AP2B1: variants seen among roughly 807,000 people sequenced by gnomAD.
AP2B1 encodes the protein adaptor related protein complex 2 subunit beta 1.
Under a neutral mutation model 102.0 loss-of-function variants are expected in AP2B1, and 23 were observed. That is an observed-to-expected ratio of 0.23 (90% CI 0.16 to 0.32). The LOEUF (loss-of-function observed/expected upper bound fraction) is 0.32. AP2B1 is among the 10% of genes least tolerant of loss of function. The pLI, the probability that AP2B1 is intolerant of heterozygous loss-of-function variation, is 1.00. For synonymous variants in AP2B1, 381 were observed against 421.2 expected (o/e 0.90, Z 1.17); for missense variants, 541 against 1,157.4 (o/e 0.47, Z 7.73).
Position 35,724,791 on chromosome 17 carries a change from C to A in AP2B1, c.*1092C>A, listed in dbSNP as rs2085492121. On this transcript the variant is annotated 3_prime_UTR_variant, in exon 22 of 22. Coordinates refer to ENST00000610402, the MANE Select transcript of AP2B1 (RefSeq NM_001030006.2). ...TGTCTCTTGTCGTTTTCCCCTAATG[C>A]CTTCTCCTGCCTTTTCTGTGCCTAG... The A allele has an allele frequency of 6.6e-6, 1 of 152,216 alleles. No individual in the cohort carries two copies. The highest frequency in any genetic ancestry group is 2.1e-4 in the South Asian group (1 of 4,832). The allele number at this position is 152,216 out of a possible 1,614,324, so 9.4% of individuals were successfully genotyped here.
rs746543051 is a variant in AP2B1 at position 35,636,338 on chromosome 17, C to T, written c.1156-3C>T. The stretch of plus-strand genomic sequence containing the variant: ...TTCTCATTTTTTGTATTTTTCTTCC[C>T]AGCAATCTGCAGAGCGCTGTGTAAG... On this transcript the variant is annotated splice_region_variant and splice_polypyrimidine_tract_variant and intron_variant, in intron 9 of 21. Coordinates refer to ENST00000610402, the MANE Select transcript of AP2B1 (RefSeq NM_001030006.2). The T allele has an allele frequency of 5.0e-6, 8 of 1,607,388 alleles. No homozygotes were observed. Among genetic ancestry groups the T allele is most frequent in the Non-Finnish European group, 6.8e-6 (8 of 1,175,306 alleles).
chr17:35,594,556 A>T (rs1346044988), intron 2 of AP2B1, among the ~76,000 whole-genome samples: 1 of 152,232 alleles, frequency 6.6e-6, no homozygotes, highest in Non-Finnish European at 1.5e-5. Context: ...GAGTGCATAT[A>T]TTAATACATA....
At chr17:35,587,471 C>A (rs1192074742) in intron 1 of AP2B1, 43 bp downstream of exon 1, 1 of 152,494 alleles carries the variant, frequency 6.6e-6, no homozygotes, top group Non-Finnish European at 1.5e-5. Context: ...CCCTAATTGA[C>A]GGGGTCGGGG....
At chr17:35,587,962 A>G (rs891647685) in intron 1 of AP2B1, 7 of 152,166 alleles carry the variant, frequency 4.6e-5, no homozygotes, top group African/African-American at 1.4e-4. Flanking sequence ...CACCTGGGGA[A>G]AGAAGAGGCA....
chr17:35,658,324 G>A (rs2075281228), intron 14 of AP2B1, among the ~76,000 whole-genome samples: 1 of 149,646 alleles, frequency 6.7e-6, no homozygotes, highest in Admixed American at 6.7e-5. Flanking sequence ...TTACAGTTGG[G>A]AAGGGCTGCT....
chr17:35,637,210 G>A lies in AP2B1; in HGVS notation c.1271+754G>A, dbSNP rs757681680. ...AGCTTCTGATTGTCTTTTTTGAGAT[G>A]GAGTCTCACTCTGTTGCCCAGGTGA... On this transcript the variant is annotated intron_variant, in intron 10 of 21. Coordinates refer to ENST00000610402, the MANE Select transcript of AP2B1 (RefSeq NM_001030006.2). Among the ~76,000 whole-genome samples, 8 of 151,938 alleles carry A rather than the reference G, an allele frequency of 5.3e-5. No individual in the cohort carries two copies. The South Asian group carries it at 1.5e-3, about 28-fold the overall frequency.
intron 13 of AP2B1, among the ~76,000 whole-genome samples, chr17:35,651,204 T>C (rs111637362): frequency 0.01 from 1,532 of 152,356 alleles, 20 homozygotes; most frequent in African/African-American, 0.035. Context: ...GTAGCTTTTG[T>C]TGAGCCTTCT....
chr17:35,601,902 C>T (rs1019954808), intron 3 of AP2B1, among the ~76,000 whole-genome samples: 6 of 151,774 alleles, frequency 4.0e-5, no homozygotes, highest in Non-Finnish European at 5.9e-5. Context: ...CTCTGTCTCC[C>T]GAGTAGCTGG....
chr17:35,668,648 A>C (rs1809905581), intron 14 of AP2B1, among the ~76,000 whole-genome samples: 1 of 152,208 alleles, frequency 6.6e-6, no homozygotes, highest in African/African-American at 2.4e-5. Flanking sequence ...ATTTTGTATG[A>C]GTATTTTTTT....
intron 14 of AP2B1, among the ~76,000 whole-genome samples, chr17:35,667,642 T>A (rs1316041464): frequency 2.6e-5 from 4 of 152,242 alleles, no homozygotes; most frequent in African/African-American, 9.6e-5. Context: ...CTTTCTTTCC[T>A]TTGGTCTAAA....
intron 18 of AP2B1, among the ~76,000 whole-genome samples, chr17:35,700,814 C>A (rs1007872398): frequency 6.6e-6 from 1 of 152,206 alleles, no homozygotes; most frequent in African/African-American, 2.4e-5. Flanking sequence ...TCCTTAGCAG[C>A]CTCTTAAAGT....
chr17:35,648,674 C>A (rs575780491), intron 12 of AP2B1, among the ~76,000 whole-genome samples: 2 of 151,518 alleles, frequency 1.3e-5, no homozygotes, highest in Non-Finnish European at 2.9e-5. Context: ...AAAGTGCAGT[C>A]GTATATATCA....
At chr17:35,651,384 G>A (rs1444125330) in intron 13 of AP2B1, among the ~76,000 whole-genome samples, 2 of 151,960 alleles carry the variant, frequency 1.3e-5, no homozygotes, top group Non-Finnish European at 2.9e-5. Flanking sequence ...AAAGGCTCTT[G>A]GGTAACATGG....
chr17:35,602,227 T>G (rs1230974599), intron 3 of AP2B1, among the ~76,000 whole-genome samples: 1 of 152,086 alleles, frequency 6.6e-6, no homozygotes, highest in African/African-American at 2.4e-5. Flanking sequence ...ACCCAAAACT[T>G]GAAAAATTAG....
chr17:35,695,770 C>T (rs767161936), intron 18 of AP2B1, among the ~76,000 whole-genome samples: 14 of 152,096 alleles, frequency 9.2e-5, no homozygotes, highest in Non-Finnish European at 1.5e-4. Flanking sequence ...AGAGATAAGC[C>T]GAAAGGCACC....
At chr17:35,666,601 G>A (rs894202573) in intron 14 of AP2B1, among the ~76,000 whole-genome samples, 14 of 152,092 alleles carry the variant, frequency 9.2e-5, no homozygotes, top group Admixed American at 9.2e-4. Flanking sequence ...GCCTCAGTAA[G>A]GCAATCCTGG....
chr17:35,674,798 G>A (rs1031595583), intron 17 of AP2B1, among the ~76,000 whole-genome samples: 1 of 152,200 alleles, frequency 6.6e-6, no homozygotes, highest in Admixed American at 6.5e-5. Flanking sequence ...TTCAACTCTG[G>A]AGGCACTAGG....
intron 18 of AP2B1, among the ~76,000 whole-genome samples, chr17:35,690,325 A>G (rs226088): frequency 0.36 from 54,304 of 152,034 alleles, 9,897 homozygotes; most frequent in East Asian, 0.45. Context: ...GGCTGGCTCA[A>G]TTCTTTCCAA....
chr17:35,710,399 T>C, intron 20 of AP2B1, 79 bp downstream of exon 20: 2 of 987,742 alleles, frequency 2.0e-6, no homozygotes, highest in East Asian at 5.2e-5. Flanking sequence ...TTCTTTTGCC[T>C]ACCCTTTTAT....
Sources: allele counts gnomAD v4.1 joint callset (sites outside exome capture counted in the v4.1 genomes callset), GRCh38; gene constraint gnomAD v4.1.1; transcripts MANE v1.5; gene names NCBI Gene and HGNC (gene_info 2026-07-23, HGNC 2026-07-21).